The following ECPAS variants were observed in gnomAD, a reference collection of about 807,000 sequenced individuals.
ECPAS encodes Ecm29 proteasome adaptor and scaffold, also known as proteasome adapter and scaffold protein ECM29.
Under a neutral mutation model 255.1 loss-of-function variants are expected in ECPAS, and 70 were observed. The ratio of observed to expected loss-of-function variants is 0.27; its 90% CI spans 0.23 to 0.33. ECPAS has a LOEUF of 0.33. ECPAS is among the 10% of genes least tolerant of loss of function. ECPAS has a pLI of 1.00. For synonymous variants in ECPAS, 784 were observed against 775.0 expected, an observed-to-expected ratio of 1.01 and a Z score of -0.19; for missense variants, 1,817 against 2,206.4, an observed-to-expected ratio of 0.82 and a Z score of 3.54.
intron 31 of ECPAS, among the ~76,000 whole-genome samples, chr9:111,389,099 C>T (rs949247686): frequency 1.3e-5 from 2 of 152,154 alleles, no homozygotes; most frequent in African/African-American, 2.4e-5. Context: ...CAGAGACAAG[C>T]CCTGAGAAAT....
At chr9:111,408,393 T>G (rs1311223077) in intron 24 of ECPAS, among the ~76,000 whole-genome samples, 178 bp downstream of exon 24, 1 of 152,116 alleles carries the variant, frequency 6.6e-6, no homozygotes, top group Non-Finnish European at 1.5e-5. Flanking sequence ...CATAGGTGAT[T>G]TAGTCAATGC....
intron 1 of ECPAS, among the ~76,000 whole-genome samples, chr9:111,482,978 G>A (rs1321780637): frequency 1.3e-5 from 2 of 152,204 alleles, no homozygotes; most frequent in Non-Finnish European, 2.9e-5. Context: ...GGTTCGACCG[G>A]CGACCCTCTC....
At chr9:111,423,060 C>G (rs1564535098) in intron 13 of ECPAS, 139 bp downstream of exon 13, 2 of 621,556 alleles carry the variant, frequency 3.2e-6, no homozygotes, top group East Asian at 2.8e-5. Context: ...ACACAGAAGA[C>G]ATTTCTAAAC....
intron 1 of ECPAS, among the ~76,000 whole-genome samples, chr9:111,482,344 G>A (rs2098307001): frequency 6.6e-6 from 1 of 152,140 alleles, no homozygotes; most frequent in South Asian, 2.1e-4. Context: ...AAGCAGCAAG[G>A]AACTTAATCT....
chr9:111,406,479 A>G (rs140031307), intron 24 of ECPAS, among the ~76,000 whole-genome samples: 4 of 150,182 alleles, frequency 2.7e-5, no homozygotes, highest in Non-Finnish European at 4.4e-5. Context: ...AATTTATTGT[A>G]TATTTCAAAA....
At chr9:111,394,923 C>T (rs999088877) in intron 25 of ECPAS, among the ~76,000 whole-genome samples, 6 of 152,324 alleles carry the variant, frequency 3.9e-5, no homozygotes, top group Admixed American at 3.3e-4. Context: ...AACTCATGTT[C>T]AAACTTTGCT....
chr9:111,370,953 G>A (rs371910643), intron 43 of ECPAS, among the ~76,000 whole-genome samples, 188 bp from the exon 44 acceptor site: 2 of 152,164 alleles, frequency 1.3e-5, no homozygotes, highest in African/African-American at 4.8e-5. Context: ...ATGGATGTAG[G>A]ATAATTATCT....
At chr9:111,433,485 C>T in intron 7 of ECPAS, 113 bp from the exon 8 acceptor site, 1 of 1,008,658 alleles carries the variant, frequency 9.9e-7, no homozygotes, top group Non-Finnish European at 1.5e-6. Context: ...GCAGTAACAA[C>T]AGTAGCAGCT....
At chr9:111,375,828 T>C (rs1220525555) in intron 37 of ECPAS, among the ~76,000 whole-genome samples, 1 of 152,196 alleles carries the variant, frequency 6.6e-6, no homozygotes, top group Non-Finnish European at 1.5e-5. Context: ...TAACATAGTT[T>C]TTTGTACACT....
chr9:111,479,016 T>C (rs191105180), intron 1 of ECPAS, among the ~76,000 whole-genome samples: 3 of 152,172 alleles, frequency 2.0e-5, no homozygotes, highest in Non-Finnish European at 4.4e-5. Flanking sequence ...AGAGGTAAGA[T>C]GGCCTCAAGG....
intron 2 of ECPAS, among the ~76,000 whole-genome samples, chr9:111,455,375 T>C (rs1053264867): frequency 1.3e-5 from 2 of 152,126 alleles, no homozygotes; most frequent in African/African-American, 4.8e-5. Context: ...TCCCAGCTAC[T>C]CAGGAAGCTG....
In ECPAS at chr9:111,412,803, A is replaced by AACTC. The variant is rs1490249464; in HGVS notation, c.2080-659_2080-656dup. Among the ~76,000 whole-genome samples, 5 of 152,320 alleles carry AACTC rather than the reference A, an allele frequency of 3.3e-5. No homozygotes were observed. The East Asian group carries it at 7.7e-4, about 23-fold the overall frequency. On this transcript the variant is annotated intron_variant, in intron 20 of 49. Coordinates refer to ENST00000684092, the MANE Select transcript of ECPAS (RefSeq NM_001364929.1). ...GACCAGACTATCCAGAAATGTGCAAAACTCACACCTCCTGGCAAATTTCAT... is the reference window on the plus strand; with the variant it reads ...GACCAGACTATCCAGAAATGTGCAAAACTCACTCACACCTCCTGGCAAATTTCAT...
intron 15 of ECPAS, 87 bp downstream of exon 15, chr9:111,421,834 T>G: frequency 1.4e-6 from 2 of 1,459,982 alleles, no homozygotes; most frequent in Non-Finnish European, 9.3e-7. Flanking sequence ...AATACTCCTC[T>G]TATCAAAAGT....
At chr9:111,440,034 C>CT (rs200543794) in intron 6 of ECPAS, among the ~76,000 whole-genome samples, 57 of 147,432 alleles carry the variant, frequency 3.9e-4, no homozygotes, top group South Asian at 1.3e-3. Context: ...AAAAGAGAAA[C>CT]TTTTTTTTTT....
At chr9:111,399,389 C>T (rs1380736207) in intron 24 of ECPAS, among the ~76,000 whole-genome samples, 1 of 152,214 alleles carries the variant, frequency 6.6e-6, no homozygotes, top group African/African-American at 2.4e-5. Flanking sequence ...CCACCCCTCC[C>T]CGAGTCCCAG....
At position 111,361,634 on chromosome 9, in the gene ECPAS, A is replaced by T. The variant is rs2098113401; in HGVS notation, c.*396T>A. ...AGCTTCCTATTTCTTCAGGTGTAAGAGGGAGGTTAAAATAAGTTATTTATA... is the reference window on the plus strand; with the variant it reads ...AGCTTCCTATTTCTTCAGGTGTAAGTGGGAGGTTAAAATAAGTTATTTATA... On this transcript the variant is annotated 3_prime_UTR_variant, in exon 50 of 50. Coordinates refer to ENST00000684092, the MANE Select transcript of ECPAS (RefSeq NM_001364929.1). 6.5e-6 allele frequency: 1 copy of T among 154,538 alleles called. No homozygotes were observed. Among genetic ancestry groups the T allele is most frequent in the Non-Finnish European group, 1.4e-5 (1 of 69,750 alleles). The allele number at this position is 154,538 out of a possible 1,614,324, so 9.6% of individuals were successfully genotyped here. A position where few individuals can be genotyped will look rare whatever the true frequency, so the allele number is the denominator to read the frequency against.
rs1351729536 is a variant in ECPAS at position 111,397,039 on chromosome 9, G to A, written c.2767C>T (p.Pro923Ser). ...GCTGAATATTTGGTACCAGCAGGTG[G>A]AGTATATTCCTCTTCAGTCATTTGC... is the stretch of plus-strand genomic sequence containing the variant. ...AWQMTEEEYT[P>S]PAGAKVNDVV... The change falls in exon 25 of 50, where the codon CCA (proline) becomes TCA (serine). Residue 923 changes from proline to serine, a missense_variant. Transcript: ENST00000684092. 2 of 1,613,920 alleles carry A rather than the reference G, an allele frequency of 1.2e-6. No homozygotes were observed. The highest frequency in any genetic ancestry group is 1.1e-5 in the South Asian group (1 of 91,072).
chr9:111,414,963 A>G (rs909407468), intron 18 of ECPAS, among the ~76,000 whole-genome samples: 6 of 152,208 alleles, frequency 3.9e-5, no homozygotes, highest in African/African-American at 1.2e-4. Context: ...GTTCTCACTT[A>G]TAAGTGGGAG....
chr9:111,427,150 C>T (rs1222771966), intron 10 of ECPAS, among the ~76,000 whole-genome samples: 1 of 127,696 alleles, frequency 7.8e-6, no homozygotes, highest in Non-Finnish European at 1.7e-5. Context: ...CACAGTGAGA[C>T]CCTGTCTCAG....
Sources: allele counts gnomAD v4.1 joint callset (sites outside exome capture counted in the v4.1 genomes callset), GRCh38; gene constraint gnomAD v4.1.1; transcripts MANE v1.5; gene names NCBI Gene and HGNC (gene_info 2026-07-23, HGNC 2026-07-21).